The following STIM2 variants were observed in gnomAD, a reference collection of about 807,000 sequenced individuals.
STIM2 encodes stromal interaction molecule 2.
Under a neutral mutation model 85.8 loss-of-function variants are expected in STIM2, and 31 were observed. The ratio of observed to expected loss-of-function variants is 0.36; its 90% CI spans 0.27 to 0.49. The LOEUF is 0.49. Among genes scored for constraint, STIM2 ranks in the 20% least tolerant of loss-of-function variants. The pLI, the probability that STIM2 is intolerant of heterozygous loss-of-function variation, is 0.98. For synonymous variants in STIM2, 356 were observed against 331.1 expected, an observed-to-expected ratio of 1.08 and a Z score of -0.82; for missense variants, 841 against 927.6, an observed-to-expected ratio of 0.91 and a Z score of 1.21.
Position 26,860,939 on chromosome 4 carries a change from T to A in STIM2, c.-280T>A. 1 of 1,175,958 alleles carries A rather than the reference T, an allele frequency of 8.5e-7. No individual in the cohort carries two copies. Among genetic ancestry groups the A allele is most frequent in the Non-Finnish European group, 1.1e-6 (1 of 938,612 alleles). The allele number at this position is 1,175,958 out of a possible 1,614,324, so 72.8% of individuals were successfully genotyped here. A position where few individuals can be genotyped will look rare whatever the true frequency, so the allele number is the denominator to read the frequency against. ...TACCCCCCACCTTTTTTTTTTTTTT[T>A]TTTAAATAACCGGAACCAATGAACG... On this transcript the variant is annotated 5_prime_UTR_variant, in exon 1 of 12. Coordinates refer to ENST00000467087, the MANE Select transcript of STIM2 (RefSeq NM_020860.4).
chr4:26,989,087 A>G (rs1209955421), intron 3 of STIM2, among the ~76,000 whole-genome samples: 5 of 152,100 alleles, frequency 3.3e-5, no homozygotes, highest in Non-Finnish European at 5.9e-5. Context: ...GGTATTTACC[A>G]CTATGCCTGG....
chr4:27,015,972 A>G (rs570096644), intron 10 of STIM2, among the ~76,000 whole-genome samples: 2 of 151,880 alleles, frequency 1.3e-5, no homozygotes, highest in Non-Finnish European at 2.9e-5. Context: ...TATATATTGC[A>G]TCTTATCTTC....
intron 11 of STIM2, among the ~76,000 whole-genome samples, chr4:27,021,961 A>G (rs896980395): frequency 2.0e-5 from 3 of 152,162 alleles, no homozygotes; most frequent in Admixed American, 2.0e-4. Context: ...AAATAGCATC[A>G]TATGTTTGCC....
chr4:26,885,861 A>ATATATATG (rs1723220525), intron 1 of STIM2, among the ~76,000 whole-genome samples: 17 of 77,718 alleles, frequency 2.2e-4, no homozygotes, highest in African/African-American at 7.8e-4. Flanking sequence ...ATATATATAT[A>ATATATATG]TATATATATA....
At chr4:26,896,929 G>C (rs1723732114) in intron 1 of STIM2, among the ~76,000 whole-genome samples, 1 of 152,112 alleles carries the variant, frequency 6.6e-6, no homozygotes, top group Non-Finnish European at 1.5e-5. Context: ...CGAGAATGTT[G>C]TGTTAATGGA....
intron 1 of STIM2, among the ~76,000 whole-genome samples, chr4:26,867,756 A>G (rs755963943): frequency 1.3e-5 from 2 of 152,224 alleles, no homozygotes; most frequent in South Asian, 4.1e-4. Flanking sequence ...ATTAGTATAC[A>G]TTGGATATTC....
chr4:26,954,512 T>C (rs992009177), intron 2 of STIM2, among the ~76,000 whole-genome samples: 1 of 148,674 alleles, frequency 6.7e-6, no homozygotes. Flanking sequence ...TAAGAAGTAT[T>C]TGTCTTTTGA....
intron 1 of STIM2, among the ~76,000 whole-genome samples, chr4:26,894,414 T>G (rs1336213005): frequency 6.6e-6 from 1 of 152,236 alleles, no homozygotes; most frequent in Non-Finnish European, 1.5e-5. Context: ...TGTCTTTAGT[T>G]TAACTTAGTT....
chr4:26,917,479 T>C (rs1264759683), intron 1 of STIM2, among the ~76,000 whole-genome samples: 2 of 152,196 alleles, frequency 1.3e-5, no homozygotes, highest in Non-Finnish European at 1.5e-5. Flanking sequence ...ATAGTGTTTA[T>C]GAAAGACTTC....
chr4:26,878,999 A>G (rs1722907806), intron 1 of STIM2, among the ~76,000 whole-genome samples: 1 of 152,156 alleles, frequency 6.6e-6, no homozygotes, highest in South Asian at 2.1e-4. Context: ...TTGGGTGGGG[A>G]CACAGAGCCA....
At chr4:27,002,485 G>T in intron 6 of STIM2, 91 bp downstream of exon 6, 1 of 985,792 alleles carries the variant, frequency 1.0e-6, no homozygotes, top group Non-Finnish European at 1.5e-6. Flanking sequence ...CTTACATTTA[G>T]GTTATTATAC....
chr4:26,871,701 A>AC (rs1722621415), intron 1 of STIM2, among the ~76,000 whole-genome samples: 2 of 119,010 alleles, frequency 1.7e-5, no homozygotes, highest in Admixed American at 1.9e-4. Context: ...GTCTGTTTTC[A>AC]CCCTTTTTTT....
chr4:27,017,254 C>T (rs966509518), intron 10 of STIM2, among the ~76,000 whole-genome samples: 3 of 152,180 alleles, frequency 2.0e-5, no homozygotes, highest in Non-Finnish European at 2.9e-5. Context: ...ACTGTGCATA[C>T]AGTAGTTAAG....
chr4:26,915,807 C>T (rs1369921786), intron 1 of STIM2, among the ~76,000 whole-genome samples: 1 of 152,128 alleles, frequency 6.6e-6, no homozygotes, highest in African/African-American at 2.4e-5. Flanking sequence ...AAGGTGAGGG[C>T]ACTGAGGGGA....
At chr4:26,905,458 G>A (rs1724088311) in intron 1 of STIM2, among the ~76,000 whole-genome samples, 1 of 152,146 alleles carries the variant, frequency 6.6e-6, no homozygotes, top group East Asian at 1.9e-4. Flanking sequence ...GCTTAGTAAA[G>A]GGCAGAGTCT....
chr4:26,941,326 A>T (rs1031737796), intron 2 of STIM2, among the ~76,000 whole-genome samples: 7 of 152,078 alleles, frequency 4.6e-5, no homozygotes, highest in Non-Finnish European at 7.4e-5. Flanking sequence ...TTCCAAGCCA[A>T]AGTAATCTCT....
intron 2 of STIM2, among the ~76,000 whole-genome samples, chr4:26,945,506 G>T (rs754887610): frequency 6.6e-6 from 1 of 152,108 alleles, no homozygotes; most frequent in African/African-American, 2.4e-5. Context: ...TCTGCCTCTA[G>T]GTCTTTGAGG....
chr4:26,980,224 T>C (rs1471293352), intron 3 of STIM2, among the ~76,000 whole-genome samples: 1 of 152,254 alleles, frequency 6.6e-6, no homozygotes, highest in Non-Finnish European at 1.5e-5. Context: ...GTAAATTGTT[T>C]AGGCAGGATT....
intron 3 of STIM2, among the ~76,000 whole-genome samples, chr4:26,977,414 G>A (rs1398381849): frequency 6.6e-6 from 1 of 152,192 alleles, no homozygotes; most frequent in Non-Finnish European, 1.5e-5. Context: ...TTTGAGCAAA[G>A]TAGTGATGTG....
Sources: allele counts gnomAD v4.1 joint callset (sites outside exome capture counted in the v4.1 genomes callset), GRCh38; gene constraint gnomAD v4.1.1; transcripts MANE v1.5; gene names NCBI Gene and HGNC (gene_info 2026-07-23, HGNC 2026-07-21).